WDPCP: variants seen among roughly 807,000 people sequenced by gnomAD.
WDPCP encodes the protein WD repeat-containing and planar cell polarity effector protein fritz homolog.
In WDPCP, 71 loss-of-function variants were observed where a neutral mutation model predicts 93.1. The ratio of observed to expected loss-of-function variants is 0.76; its 90% CI spans 0.63 to 0.93. The LOEUF (loss-of-function observed/expected upper bound fraction) is 0.93, where lower values mean the gene tolerates loss of function less well. Ranked by LOEUF, WDPCP falls within the 40% of genes least tolerant of loss-of-function variation. The pLI, the probability that WDPCP is intolerant of heterozygous loss-of-function variation, is 0.00. For missense variants in WDPCP, 844 were observed against 887.4 expected, an observed-to-expected ratio of 0.95 and a Z score of 0.62; for synonymous variants, 315 against 315.0, an observed-to-expected ratio of 1.00 and a Z score of 0.00.
chr2:63,452,195 A>G (rs1212860759), intron 6 of WDPCP, among the ~76,000 whole-genome samples: 1 of 152,236 alleles, frequency 6.6e-6, no homozygotes, highest in Non-Finnish European at 1.5e-5. Flanking sequence ...AGAAAACCCC[A>G]TCGTCTCAGC....
At chr2:63,548,068 AT>A (rs965958008) in intron 1 of WDPCP, among the ~76,000 whole-genome samples, 27 of 152,262 alleles carry the variant, frequency 1.8e-4, no homozygotes, top group African/African-American at 5.8e-4. Context: ...TCAATAAAAA[AT>A]ATTAATGAAA....
intron 17 of WDPCP, among the ~76,000 whole-genome samples, chr2:63,132,598 G>C (rs933311708): frequency 2.0e-5 from 3 of 146,704 alleles, no homozygotes; most frequent in East Asian, 2.0e-4. Context: ...TCTTTCTTCT[G>C]TCCAAGTCTG....
chr2:63,837,009 A>G, the WDPCP span, among the ~76,000 whole-genome samples: 1 of 152,250 alleles, frequency 6.6e-6, no homozygotes. Context: ...GTTATTTGAA[A>G]TAATTGCTAC....
rs796706221 is a variant in WDPCP, at chr2:63,294,509, A to G, written c.1812+18739T>C. Among the ~76,000 whole-genome samples, 38 of 9,292 alleles carry G rather than the reference A, an allele frequency of 4.1e-3. No homozygotes were observed. In the East Asian group the frequency reaches 0.15, roughly 38 times the overall value. 6.1% of individuals were successfully genotyped at this position (9,292 alleles called of 152,430 possible). A position where few individuals can be genotyped will look rare whatever the true frequency, so the allele number is the denominator to read the frequency against. On this transcript the variant is annotated intron_variant, in intron 13 of 17. Coordinates refer to ENST00000272321, the MANE Select transcript of WDPCP (RefSeq NM_015910.7). Reference sequence around the variant, plus strand: ...TGGGTGATAGAACAAGACTGTTTCGAAAAAAAAAAAAAAAAAAAAAAAGTG... The same window carrying G: ...TGGGTGATAGAACAAGACTGTTTCGGAAAAAAAAAAAAAAAAAAAAAAGTG...
At chr2:63,469,423 A>G (rs1699556456) in intron 6 of WDPCP, among the ~76,000 whole-genome samples, 1 of 152,242 alleles carries the variant, frequency 6.6e-6, no homozygotes, top group Non-Finnish European at 1.5e-5. Context: ...CACTATTCAC[A>G]ATAGCAAAGA....
intron 2 of WDPCP, chr2:63,752,139 C>T: frequency 1.6e-6 from 1 of 616,010 alleles, no homozygotes; most frequent in South Asian, 1.7e-5. Context: ...GACGGTATTT[C>T]TGAATGACAA....
chr2:63,703,576 G>C (rs545304886), intron 2 of WDPCP, among the ~76,000 whole-genome samples: 7 of 149,844 alleles, frequency 4.7e-5, no homozygotes, highest in African/African-American at 7.3e-5. Flanking sequence ...GTTTTGTTTT[G>C]TTTTGTTTTG....
intron 9 of WDPCP, among the ~76,000 whole-genome samples, chr2:63,430,501 AT>A (rs1283069907): frequency 6.6e-6 from 1 of 152,090 alleles, no homozygotes. Flanking sequence ...TACTGACAAA[AT>A]TTTTTTCTGT....
chr2:63,126,772 G>A (rs889331396), intron 17 of WDPCP, among the ~76,000 whole-genome samples: 7 of 148,934 alleles, frequency 4.7e-5, no homozygotes, highest in South Asian at 2.1e-4. Flanking sequence ...TCAAACTTTC[G>A]GGCTCAGGTG....
chr2:63,767,420 G>T (rs1670159312), intron 2 of WDPCP, among the ~76,000 whole-genome samples: 1 of 152,124 alleles, frequency 6.6e-6, no homozygotes, highest in Non-Finnish European at 1.5e-5. Flanking sequence ...AAGCTGCTAA[G>T]CCATTTTCCA....
At chr2:63,708,516 G>A (rs890647559) in intron 2 of WDPCP, among the ~76,000 whole-genome samples, 5 of 152,204 alleles carry the variant, frequency 3.3e-5, no homozygotes, top group Non-Finnish European at 5.9e-5. Context: ...TTTTCCAGGT[G>A]CCGTCTGTCA....
chr2:63,640,227 G>A (rs906270425), intron 3 of WDPCP, among the ~76,000 whole-genome samples: 5 of 152,108 alleles, frequency 3.3e-5, no homozygotes, highest in African/African-American at 1.2e-4. Context: ...CCAGGATGGT[G>A]TCGATCTCCT....
At chr2:63,837,657 G>GGTAGTTAACACAGCTTAT in the WDPCP span, among the ~76,000 whole-genome samples, 2 of 152,264 alleles carry the variant, frequency 1.3e-5, no homozygotes, top group East Asian at 3.9e-4. Context: ...AATGCTCATG[G>GGTAGTTAACACAGCTTAT]GTAGTTAACA....
chr2:63,211,845 G>T (rs1370029543), intron 14 of WDPCP, among the ~76,000 whole-genome samples: 1 of 152,122 alleles, frequency 6.6e-6, no homozygotes, highest in Admixed American at 6.5e-5. Context: ...TAGCCAATTC[G>T]ATCAAGTGGA....
chr2:63,212,422 G>T (rs1414092499), intron 14 of WDPCP, among the ~76,000 whole-genome samples: 1 of 152,164 alleles, frequency 6.6e-6, no homozygotes, highest in Non-Finnish European at 1.5e-5. Flanking sequence ...AATGCTGAGA[G>T]ATTTTGTCAC....
chr2:63,754,104 T>C (rs1048580113), intron 2 of WDPCP, among the ~76,000 whole-genome samples: 3 of 152,254 alleles, frequency 2.0e-5, no homozygotes, highest in African/African-American at 7.2e-5. Context: ...ACAGCAGAGT[T>C]GTCATCCCTG....
intron 14 of WDPCP, among the ~76,000 whole-genome samples, chr2:63,208,823 A>C (rs567903970): frequency 6.6e-6 from 1 of 152,180 alleles, no homozygotes; most frequent in African/African-American, 2.4e-5. Context: ...CTGTATTTAT[A>C]CTGAAAATCA....
chr2:63,473,624 C>T (rs573092100), intron 6 of WDPCP, among the ~76,000 whole-genome samples: 7 of 152,006 alleles, frequency 4.6e-5, no homozygotes, highest in African/African-American at 1.7e-4. Flanking sequence ...AGTCAGGTAC[C>T]ACATAGCCAT....
intron 2 of WDPCP, among the ~76,000 whole-genome samples, chr2:63,676,191 G>A (rs927421467): frequency 2.0e-5 from 3 of 152,108 alleles, no homozygotes; most frequent in African/African-American, 4.8e-5. Context: ...GAATTTACAG[G>A]GCCAAGAATC....
Sources: allele counts gnomAD v4.1 joint callset (sites outside exome capture counted in the v4.1 genomes callset), GRCh38; gene constraint gnomAD v4.1.1; transcripts MANE v1.5; gene names NCBI Gene and HGNC (gene_info 2026-07-23, HGNC 2026-07-21).